Variants in ZNF93 observed in about 807,000 individuals in gnomAD.
ZNF93 encodes zinc finger protein 505.
In ZNF93, 29 loss-of-function variants were observed where a neutral mutation model predicts 45.0. The ratio of observed to expected loss-of-function variants is 0.64; its 90% CI spans 0.48 to 0.88. The LOEUF is 0.88. Ranked by LOEUF, ZNF93 falls within the 40% of genes least tolerant of loss-of-function variation. The probability of loss-of-function intolerance (pLI) is 0.00; values close to 1 mark genes in which losing one functional copy is unlikely to be tolerated. For synonymous variants in ZNF93, 223 were observed against 244.6 expected, an observed-to-expected ratio of 0.91 and a Z score of 0.82; for missense variants, 578 against 724.0, an observed-to-expected ratio of 0.80 and a Z score of 2.31.
chr19:19,912,930 A>G (rs78374667), intron 1 of ZNF93, among the ~76,000 whole-genome samples: 8,156 of 152,322 alleles, frequency 0.054, 414 homozygotes, highest in East Asian at 0.17. Context: ...TAAAATACAG[A>G]CTTATTCAGA....
In ZNF93 at chr19:19,934,125, T is replaced by A; in HGVS notation, c.1170T>A (p.Val390=). 1 of 1,610,494 alleles carries A rather than the reference T, an allele frequency of 6.2e-7. No individual in the cohort carries two copies. Among genetic ancestry groups the A allele is most frequent in the Non-Finnish European group, 8.5e-7 (1 of 1,178,798 alleles). ...CAGTCCTAACTAGACATAAGAGAGT[T>A]CATACTGGAGAGAAGCCCTACAAAT... ...WSSVLTRHKR[V]HTGEKPYKCE... The change falls in exon 4 of 4, where the codon GTT becomes GTA. Residue 390 remains valine, a synonymous_variant. Coordinates refer to ENST00000343769, the MANE Select transcript of ZNF93 (RefSeq NM_031218.4).
intron 3 of ZNF93, among the ~76,000 whole-genome samples, chr19:19,923,247 C>T (rs997689016): frequency 2.6e-5 from 4 of 152,084 alleles, no homozygotes; most frequent in South Asian, 2.1e-4. Context: ...TGCAGAACAG[C>T]GAATATTGGT....
chr19:19,928,850 T>C (rs559046505), intron 3 of ZNF93, among the ~76,000 whole-genome samples: 11 of 152,350 alleles, frequency 7.2e-5, no homozygotes, highest in African/African-American at 2.6e-4. Flanking sequence ...TTATGTGTCC[T>C]AACAGAATAT....
intron 3 of ZNF93, chr19:19,932,138 T>G (rs1408496846): frequency 4.6e-6 from 1 of 215,714 alleles, no homozygotes; most frequent in African/African-American, 2.4e-5. Flanking sequence ...CCAGGCATGG[T>G]GGCCCATGCC....
chr19:19,929,956 A>G (rs1341773964), intron 3 of ZNF93, among the ~76,000 whole-genome samples: 12 of 150,650 alleles, frequency 8.0e-5, no homozygotes, highest in African/African-American at 2.9e-4. Flanking sequence ...AAAAAAAAAA[A>G]AAAAAAGAGA....
chr19:19,911,995 C>T (rs531453946), intron 1 of ZNF93, among the ~76,000 whole-genome samples: 6 of 152,196 alleles, frequency 3.9e-5, no homozygotes, highest in East Asian at 3.9e-4. Flanking sequence ...GTTCTGCACC[C>T]GCCTTGGTCT....
chr19:19,928,553 A>T (rs2063362925), intron 3 of ZNF93, among the ~76,000 whole-genome samples: 1 of 152,198 alleles, frequency 6.6e-6, no homozygotes, highest in Non-Finnish European at 1.5e-5. Flanking sequence ...TTGAGACAAG[A>T]TCTTACTGTC....
chr19:19,933,481 A>G lies in ZNF93; in HGVS notation c.526A>G (p.Ile176Val). ...RHTEKKPFKC[I>V]ECGKAFNQFS... ...TACTGAAAAAAAACCTTTCAAATGCATAGAATGTGGCAAAGCTTTTAACCA... is the reference window on the plus strand; with the variant it reads ...TACTGAAAAAAAACCTTTCAAATGCGTAGAATGTGGCAAAGCTTTTAACCA... Residue 176 changes from isoleucine (I) to valine (V), a missense_variant, in exon 4 of 4, where the codon ATA becomes GTA. Ile to Val is a conservative substitution (Grantham distance 29). This residue lies in a region of ZNF93 where 446 missense variants were observed against 547.6 expected (regional missense o/e 0.81). Coordinates refer to ENST00000343769, the MANE Select transcript of ZNF93 (RefSeq NM_031218.4). The G allele has an allele frequency of 6.2e-7, 1 of 1,605,606 alleles. No individual in the cohort carries two copies. Among genetic ancestry groups the G allele is most frequent in the Non-Finnish European group, 8.5e-7 (1 of 1,177,586 alleles).
chr19:19,926,760 G>GT (rs1158176209), intron 3 of ZNF93, among the ~76,000 whole-genome samples: 2 of 151,948 alleles, frequency 1.3e-5, no homozygotes, highest in African/African-American at 4.8e-5. Flanking sequence ...TCAATTTGAG[G>GT]TTTAATTAAG....
chr19:19,914,694 G>A lies in ZNF93; in HGVS notation c.4-586G>A, dbSNP rs536417447. The A allele has an allele frequency of 2.0e-4, 54 of 266,528 alleles. 1 individual carries two copies. Among genetic ancestry groups the A allele is most frequent in the South Asian group, 1.9e-3 (54 of 27,916 alleles). 16.5% of individuals were successfully genotyped at this position (266,528 alleles called of 1,614,324 possible). A position where few individuals can be genotyped will look rare whatever the true frequency, so the allele number is the denominator to read the frequency against. On this transcript the variant is annotated intron_variant, in intron 1 of 3. Transcript: ENST00000343769. ...CCTTTTTTCTTTTTTTTTCTATATAGTTTTCTATGGAAGATGAAGGCTGTT... is the reference window on the plus strand; with the variant it reads ...CCTTTTTTCTTTTTTTTTCTATATAATTTTCTATGGAAGATGAAGGCTGTT...
Position 19,934,940 on chromosome 19 carries a change from C to T in ZNF93, c.*122C>T. 8.8e-7 allele frequency: 1 copy of T among 1,135,624 alleles called. No individual in the cohort carries two copies. The highest frequency in any genetic ancestry group is 2.5e-5 in the East Asian group (1 of 40,044). 70.3% of individuals were successfully genotyped at this position (1,135,624 alleles called of 1,614,324 possible). ...CAGGCACAGTCTGGCAGAGGTCCTGCCATTTCGGAGACCTGGAGGAAGTGG... is the reference window on the plus strand; with the variant it reads ...CAGGCACAGTCTGGCAGAGGTCCTGTCATTTCGGAGACCTGGAGGAAGTGG... On this transcript the variant is annotated 3_prime_UTR_variant, in exon 4 of 4. Coordinates refer to ENST00000343769, the MANE Select transcript of ZNF93 (RefSeq NM_031218.4).
intron 3 of ZNF93, chr19:19,927,331 T>C (rs1180608911): frequency 1.0e-5 from 4 of 397,272 alleles, no homozygotes; most frequent in Non-Finnish European, 1.3e-5. Flanking sequence ...ACACTCCAGC[T>C]TGGGTGACAG....
chr19:19,902,704 A>G (rs1464816914), intron 1 of ZNF93, among the ~76,000 whole-genome samples: 1 of 151,146 alleles, frequency 6.6e-6, no homozygotes, highest in Non-Finnish European at 1.5e-5. Flanking sequence ...AAGCAGATGC[A>G]GTTAAGGTTA....
At chr19:19,915,191 A>T in intron 1 of ZNF93, 89 bp from the exon 2 acceptor site, 1 of 1,605,318 alleles carries the variant, frequency 6.2e-7, no homozygotes, top group Non-Finnish European at 8.5e-7. Flanking sequence ...AGTCAGAACC[A>T]CTTCTCTTTA....
intron 1 of ZNF93, among the ~76,000 whole-genome samples, chr19:19,905,779 G>T (rs535068815): frequency 7.0e-4 from 106 of 151,554 alleles, no homozygotes; most frequent in Non-Finnish European, 1.3e-3. Flanking sequence ...TTTCCGTGGA[G>T]ACAGAATTTT....
intron 3 of ZNF93, among the ~76,000 whole-genome samples, chr19:19,919,578 C>T (rs2063336755): frequency 6.6e-6 from 1 of 152,120 alleles, no homozygotes; most frequent in Non-Finnish European, 1.5e-5. Flanking sequence ...ATTCTTCCTA[C>T]CCATGAGCAT....
chr19:19,907,304 G>A (rs1439380265), intron 1 of ZNF93, among the ~76,000 whole-genome samples: 2 of 151,996 alleles, frequency 1.3e-5, no homozygotes, highest in African/African-American at 4.8e-5. Context: ...TAGCAATACC[G>A]AATGATAAAG....
intron 1 of ZNF93, among the ~76,000 whole-genome samples, 158 bp from the exon 2 acceptor site, chr19:19,915,122 A>G (rs950540443): frequency 9.2e-5 from 14 of 152,210 alleles, no homozygotes; most frequent in Non-Finnish European, 1.6e-4. Flanking sequence ...CAGATAATAC[A>G]TTAGAGAATA....
intron 3 of ZNF93, among the ~76,000 whole-genome samples, chr19:19,930,668 T>A (rs190496712): frequency 6.6e-6 from 1 of 152,322 alleles, no homozygotes; most frequent in African/African-American, 2.4e-5. Flanking sequence ...CTTCTCACTA[T>A]GTCCCCTCAG....
Sources: gnomAD v4.1 joint callset for allele counts (sites outside exome capture counted in the v4.1 genomes callset) on GRCh38, gnomAD v4.1.1 for gene constraint, gnomAD v4.1.1 regional missense constraint, MANE v1.5 for transcripts, NCBI Gene and HGNC (gene_info 2026-07-23, HGNC 2026-07-21) for gene names.